Variants in CFAP47 observed in about 807,000 individuals in gnomAD.
CFAP47 encodes the protein cilia- and flagella-associated protein 47.
In CFAP47, 29 loss-of-function variants were observed where a neutral mutation model predicts 148.1. That is an observed-to-expected ratio of 0.20 (90% CI 0.15 to 0.27). The LOEUF is 0.27. Ranked by LOEUF, CFAP47 falls within the 10% of genes least tolerant of loss-of-function variation. CFAP47 has a pLI of 1.00. For synonymous variants in CFAP47, 664 were observed against 577.3 expected (o/e 1.15, Z -2.15); for missense variants, 1,872 against 1,697.5 (o/e 1.10, Z -1.81).
At chrX:36,371,235 G>A (rs1384869655) in intron 62 of CFAP47, among the ~76,000 whole-genome samples, 2 of 110,583 alleles carry the variant, frequency 1.8e-5, no homozygotes, top group African/African-American at 3.3e-5. Context: ...TTATATAAAT[G>A]AGCATTATGA....
Position 36,042,219 on chromosome X carries a change from A to G in CFAP47, c.4007+3040A>G, listed in dbSNP as rs187428327. On this transcript the variant is annotated intron_variant, in intron 25 of 63. Transcript: ENST00000378653. ...ATTATTGAAACTGGAATATACATGA[A>G]TTACCTTTTAACAAGAGAAAAGTCA... 4.7e-4 allele frequency among the ~76,000 whole-genome samples: 52 copies of G among 111,734 alleles called. No homozygotes were observed. In the Admixed American group the frequency reaches 4.9e-3, roughly 10 times the overall value.
intron 35 of CFAP47, among the ~76,000 whole-genome samples, chrX:36,141,098 A>G (rs1007565037): frequency 9.5e-6 from 1 of 104,815 alleles, no homozygotes; most frequent in Non-Finnish European, 1.9e-5. Flanking sequence ...AGGGTTCTCT[A>G]GAGACACAGA....
At chrX:36,233,034 A>T (rs1205597668) in intron 46 of CFAP47, among the ~76,000 whole-genome samples, 6 of 111,733 alleles carry the variant, frequency 5.4e-5, no homozygotes, top group Non-Finnish European at 9.4e-5. Flanking sequence ...TTTACTTCCA[A>T]GTATGTGGTC....
At chrX:36,165,626 G>C (rs1468513155) in intron 39 of CFAP47, among the ~76,000 whole-genome samples, 1 of 111,395 alleles carries the variant, frequency 9.0e-6, no homozygotes, top group African/African-American at 3.3e-5. Flanking sequence ...AGAAAGCTGG[G>C]AGAAAGTGTA....
intron 56 of CFAP47, among the ~76,000 whole-genome samples, chrX:36,313,968 G>A (rs1259041776): frequency 8.9e-6 from 1 of 111,922 alleles, no homozygotes; most frequent in African/African-American, 3.2e-5. Flanking sequence ...GACAGAAGAG[G>A]CTTTTGATGC....
At chrX:35,922,962 T>A (rs2146606967) in intron 1 of CFAP47, among the ~76,000 whole-genome samples, 1 of 111,388 alleles carries the variant, frequency 9.0e-6, no homozygotes, top group Non-Finnish European at 1.9e-5. Flanking sequence ...CCACCTTTAA[T>A]ATCCATTCTC....
intron 48 of CFAP47, among the ~76,000 whole-genome samples, chrX:36,242,948 G>A: frequency 9.0e-6 from 1 of 111,616 alleles, no homozygotes. Flanking sequence ...AGGGCACATA[G>A]AAAGGACACC....
At chrX:36,143,981 C>T (rs995469342) in intron 35 of CFAP47, among the ~76,000 whole-genome samples, 9 of 111,457 alleles carry the variant, frequency 8.1e-5, no homozygotes, top group African/African-American at 2.6e-4. Flanking sequence ...TCTTTTTTCT[C>T]ACTAATTGTC....
At chrX:36,171,139 G>C (rs1331218726) in intron 39 of CFAP47, among the ~76,000 whole-genome samples, 7 of 108,700 alleles carry the variant, frequency 6.4e-5, no homozygotes, top group Non-Finnish European at 9.5e-5. Flanking sequence ...CTTTTTGATG[G>C]GGTTGTTTGT....
At chrX:36,328,816 CAA>C (rs782618340) in intron 57 of CFAP47, among the ~76,000 whole-genome samples, 2 of 56,456 alleles carry the variant, frequency 3.5e-5, no homozygotes, top group African/African-American at 1.4e-4. Flanking sequence ...GACTCTGTCT[CAA>C]AAAAAAAAAA....
chrX:35,939,718 A>C (rs1447302836), intron 2 of CFAP47, among the ~76,000 whole-genome samples: 1 of 91,538 alleles, frequency 1.1e-5, no homozygotes, highest in African/African-American at 4.0e-5. Flanking sequence ...GGTTGGTTCC[A>C]AGTCTTTGCT....
At chrX:36,072,952 G>A (rs1180014456) in intron 28 of CFAP47, among the ~76,000 whole-genome samples, 187 bp from the exon 29 acceptor site, 1 of 111,493 alleles carries the variant, frequency 9.0e-6, no homozygotes, top group Non-Finnish European at 1.9e-5. Flanking sequence ...TTTCTCTTAG[G>A]TACTTAAAAG....
chrX:36,329,540 A>C (rs1941547180), intron 57 of CFAP47, among the ~76,000 whole-genome samples: 1 of 112,039 alleles, frequency 8.9e-6, no homozygotes, highest in Admixed American at 9.5e-5. Context: ...ACAATATATA[A>C]TTTAATTATC....
rs201288543 is a variant in CFAP47 at position 36,265,753 on chromosome X, AT to A, written c.7444+14316del. Among the ~76,000 whole-genome samples, 531 of 111,734 alleles carry A rather than the reference AT, an allele frequency of 4.8e-3. 6 individuals carry two copies. The highest frequency in any genetic ancestry group is 0.016 in the African/African-American group (484 of 30,705). On this transcript the variant is annotated intron_variant, in intron 49 of 63. Coordinates refer to ENST00000378653, the MANE Select transcript of CFAP47 (RefSeq NM_001304548.2). ...GAACCATTTCTGGGAAGATAGTGTG[AT>A]TTTTTTGGGGGGTAAAAAGATACTG...
chrX:36,354,299 G>T (rs182268673), intron 60 of CFAP47, among the ~76,000 whole-genome samples: 41 of 109,112 alleles, frequency 3.8e-4, no homozygotes, highest in African/African-American at 1.4e-3. Flanking sequence ...TACCAACATA[G>T]AGAAACCCCG....
rs954742108 is a variant in CFAP47, at chrX:36,159,596, G to A, written c.5937+20G>A. On this transcript the variant is annotated intron_variant, in intron 38 of 63. Transcript: ENST00000378653. Reference sequence around the variant, plus strand: ...GCCATTGTAAGTAAATTTTACCTACGATGTCTTTGCTTCTCTTATCAGACC... The same window carrying A: ...GCCATTGTAAGTAAATTTTACCTACAATGTCTTTGCTTCTCTTATCAGACC... The A allele has an allele frequency of 3.9e-4, 116 of 294,611 alleles. No homozygotes were observed. The highest frequency in any genetic ancestry group is 2.9e-3 in the African/African-American group (107 of 36,392). The allele number at this position is 294,611 out of a possible 1,213,427, so 24.3% of individuals were successfully genotyped here.
At chrX:36,296,653 G>A (rs1344897594) in intron 51 of CFAP47, among the ~76,000 whole-genome samples, 1 of 112,135 alleles carries the variant, frequency 8.9e-6, no homozygotes. Context: ...TCTATGACAG[G>A]CTATAACATT....
intron 33 of CFAP47, among the ~76,000 whole-genome samples, chrX:36,127,016 G>A (rs1938852274): frequency 8.9e-6 from 1 of 111,910 alleles, no homozygotes; most frequent in Admixed American, 9.5e-5. Flanking sequence ...TGGATAGATT[G>A]CAAATATTTT....
intron 2 of CFAP47, among the ~76,000 whole-genome samples, chrX:35,937,995 A>T (rs1935943185): frequency 8.9e-6 from 1 of 111,974 alleles, no homozygotes; most frequent in African/African-American, 3.2e-5. Flanking sequence ...TGTGTCTCCC[A>T]AAACTATGAC....
Sources: gnomAD v4.1 joint callset for allele counts (sites outside exome capture counted in the v4.1 genomes callset) on GRCh38, gnomAD v4.1.1 for gene constraint, MANE v1.5 for transcripts, NCBI Gene and HGNC (gene_info 2026-07-23, HGNC 2026-07-21) for gene names.